The following ZNF254 variants were observed in gnomAD, a reference collection of about 807,000 sequenced individuals.
The protein encoded by ZNF254 is CTD-2017D11.1.
A neutral mutation model predicts 12.4 loss-of-function variants in ZNF254; 10 were observed. The ratio of observed to expected loss-of-function variants is 0.80; its 90% CI spans 0.50 to 1.36. ZNF254 has a LOEUF of 1.36. Ranked by LOEUF, ZNF254 falls within the 40% of genes most tolerant of loss-of-function variation. ZNF254 has a pLI of 0.00. For synonymous variants in ZNF254, 305 were observed against 253.4 expected (o/e 1.20, Z -1.93); for missense variants, 996 against 763.9 (o/e 1.30, Z -3.58).
At chr19:24,101,276 A>G (rs950436526) in intron 1 of ZNF254, among the ~76,000 whole-genome samples, 3 of 152,236 alleles carry the variant, frequency 2.0e-5, no homozygotes, top group Non-Finnish European at 2.9e-5. Flanking sequence ...AGAATCTGCA[A>G]ATAAGGTCTG....
intron 2 of ZNF254, among the ~76,000 whole-genome samples, chr19:24,064,104 C>CTAGA (rs1171162127): frequency 6.6e-6 from 1 of 152,168 alleles, no homozygotes; most frequent in Non-Finnish European, 1.5e-5. Flanking sequence ...GGCCTCCCAC[C>CTAGA]TAGATGATGT....
At chr19:24,064,507 C>T (rs972962686) in intron 2 of ZNF254, 10 of 152,304 alleles carry the variant, frequency 6.6e-5, no homozygotes, top group African/African-American at 2.4e-4. Context: ...CTGAGACCTG[C>T]ATGCAATATG....
chr19:24,043,826 C>T (rs539070680), intron 1 of ZNF254, among the ~76,000 whole-genome samples: 1 of 152,214 alleles, frequency 6.6e-6, no homozygotes, highest in African/African-American at 2.4e-5. Context: ...TCTGTTGTTG[C>T]CTTGTTTATA....
intron 2 of ZNF254, among the ~76,000 whole-genome samples, chr19:24,080,828 C>G (rs562271673): frequency 6.7e-6 from 1 of 148,418 alleles, no homozygotes; most frequent in Non-Finnish European, 1.5e-5. Flanking sequence ...TTGCCTCATG[C>G]CTGTAATCCC....
chr19:24,040,428 C>A (rs536813045), intron 1 of ZNF254, among the ~76,000 whole-genome samples: 142 of 152,274 alleles, frequency 9.3e-4, no homozygotes, highest in African/African-American at 3.3e-3. Context: ...TTCTGCAGAT[C>A]CAATAATTGT....
At position 24,105,934 on chromosome 19, in the gene ZNF254, T is replaced by C; in HGVS notation, c.31-6T>C. ...GTAAATATGTGTGTTTGTGTGTGTT[T>C]TCCAGGGACTGTTGACATTTAGGGA... On this transcript the variant is annotated splice_region_variant and splice_polypyrimidine_tract_variant and intron_variant, in intron 1 of 3. Transcript: ENST00000357002. The C allele has an allele frequency of 6.3e-7, 1 of 1,588,578 alleles. No individual in the cohort carries two copies. Among genetic ancestry groups the C allele is most frequent in the Middle Eastern group, 1.7e-4 (1 of 5,894 alleles).
chr19:24,055,766 T>C (rs933572207), intron 2 of ZNF254, among the ~76,000 whole-genome samples: 4 of 152,174 alleles, frequency 2.6e-5, no homozygotes, highest in Admixed American at 2.6e-4. Context: ...AGCATGCGTA[T>C]GAGGCTGTGA....
rs915019000 is a variant in ZNF254 at position 24,078,999 on chromosome 19, G to A, written c.-93-26941G>A. Reference sequence around the variant, plus strand: ...GTGTGCCCTTTCTTAAGGATGGTACGCATGGAAAAGCAGCAAGCAGTTTCA... The same window carrying A: ...GTGTGCCCTTTCTTAAGGATGGTACACATGGAAAAGCAGCAAGCAGTTTCA... On this transcript the variant is annotated intron_variant, in intron 2 of 4. Coordinates refer to the ZNF254 transcript ENST00000613065. 4 of 152,040 alleles carry A rather than the reference G, an allele frequency of 2.6e-5. No homozygotes were observed. The South Asian group carries it at 6.2e-4, about 24-fold the overall frequency. 9.4% of individuals were successfully genotyped at this position (152,040 alleles called of 1,614,324 possible). A position where few individuals can be genotyped will look rare whatever the true frequency, so the allele number is the denominator to read the frequency against.
rs567364429 is a variant in ZNF254, at chr19:24,116,569, A to G, written c.254-9685A>G. ...CATCAGCTCCTTTAAGCACTTCTCTATATTGGTTATTCTAGGTATACATTT... is the reference window on the plus strand; with the variant it reads ...CATCAGCTCCTTTAAGCACTTCTCTGTATTGGTTATTCTAGGTATACATTT... On this transcript the variant is annotated intron_variant, in intron 3 of 3. Transcript: ENST00000357002. 7.2e-5 allele frequency among the ~76,000 whole-genome samples: 11 copies of G among 151,896 alleles called. No homozygotes were observed. In the South Asian group the frequency reaches 1.0e-3, roughly 14 times the overall value.
intron 1 of ZNF254, among the ~76,000 whole-genome samples, chr19:24,041,866 G>A (rs62113667): frequency 0.16 from 24,114 of 151,998 alleles, 2,045 homozygotes; most frequent in Middle Eastern, 0.23. Context: ...TTCAAGGTTT[G>A]TGAGTGCACC....
chr19:24,052,957 T>C (rs533902352), intron 2 of ZNF254, among the ~76,000 whole-genome samples: 1 of 152,194 alleles, frequency 6.6e-6, no homozygotes, highest in Admixed American at 6.5e-5. Flanking sequence ...TGTCACATAC[T>C]GTGTAAAGTC....
At chr19:24,120,007 G>T (rs1974371378) in intron 3 of ZNF254, among the ~76,000 whole-genome samples, 1 of 151,852 alleles carries the variant, frequency 6.6e-6, no homozygotes, top group Non-Finnish European at 1.5e-5. Flanking sequence ...TTTTCATGCT[G>T]CTGATAAAGA....
intron 1 of ZNF254, among the ~76,000 whole-genome samples, chr19:24,090,931 T>TTA (rs397731443): frequency 6.6e-6 from 1 of 151,100 alleles, no homozygotes; most frequent in Non-Finnish European, 1.5e-5. Context: ...TGTTTTTTTT[T>TTA]ATGGAGGAGT....
At chr19:24,116,486 A>G (rs945476356) in intron 3 of ZNF254, among the ~76,000 whole-genome samples, 1 of 151,994 alleles carries the variant, frequency 6.6e-6, no homozygotes, top group African/African-American at 2.4e-5. Context: ...AGGTGATTGC[A>G]TCAGCTCCTG....
At chr19:24,116,320 C>G (rs1171819028) in intron 3 of ZNF254, among the ~76,000 whole-genome samples, 1 of 152,148 alleles carries the variant, frequency 6.6e-6, no homozygotes, top group Non-Finnish European at 1.5e-5. Flanking sequence ...CTCTCCGTCA[C>G]TTTCAGGTAC....
At chr19:24,092,307 C>T (rs915284809) in intron 1 of ZNF254, among the ~76,000 whole-genome samples, 46 of 151,792 alleles carry the variant, frequency 3.0e-4, no homozygotes, top group African/African-American at 1.1e-3. Context: ...GCTGGGATTA[C>T]AGGCACCCAC....
chr19:24,117,144 G>C (rs984309432), intron 3 of ZNF254, among the ~76,000 whole-genome samples: 1 of 152,142 alleles, frequency 6.6e-6, no homozygotes, highest in Admixed American at 6.5e-5. Flanking sequence ...ATGGTTCAGG[G>C]GTCCGGGACC....
chr19:24,110,846 T>G (rs577700181), intron 3 of ZNF254, among the ~76,000 whole-genome samples: 4 of 152,224 alleles, frequency 2.6e-5, no homozygotes, highest in African/African-American at 9.6e-5. Context: ...TCTTTAAAAG[T>G]GACAAGATTT....
intron 1 of ZNF254, chr19:24,104,662 A>T (rs1365270628): frequency 6.6e-6 from 1 of 152,194 alleles, no homozygotes; most frequent in Non-Finnish European, 1.5e-5. Flanking sequence ...TTTATATGCC[A>T]TGTAAGATTC....
Sources: allele counts gnomAD v4.1 joint callset (sites outside exome capture counted in the v4.1 genomes callset), GRCh38; gene constraint gnomAD v4.1.1; transcripts MANE v1.5; gene names NCBI Gene and HGNC (gene_info 2026-07-23, HGNC 2026-07-21).